Variants in GRAP2 observed in about 807,000 individuals in gnomAD.
GRAP2 encodes GRB2 related adaptor protein 2, also known as GRB2-related adapter protein 2.
In GRAP2, 31 loss-of-function variants were observed where a neutral mutation model predicts 43.5. That is an observed-to-expected ratio of 0.71 (90% CI 0.54 to 0.96). GRAP2 has a LOEUF of 0.96. Among genes scored for constraint, GRAP2 ranks in the 40% least tolerant of loss-of-function variants. The probability of loss-of-function intolerance (pLI) is 0.00; values close to 1 mark genes in which losing one functional copy is unlikely to be tolerated. For synonymous variants in GRAP2, 156 were observed against 164.8 expected (o/e 0.95, Z 0.41); for missense variants, 371 against 424.4 (o/e 0.87, Z 1.11).
chr22:39,968,379 C>A, intron 6 of GRAP2, 107 bp downstream of exon 6: 1 of 1,309,570 alleles, frequency 7.6e-7, no homozygotes, highest in Non-Finnish European at 1.1e-6. Context: ...TGATGAAGAC[C>A]CTGGACCCCC....
Position 39,960,071 on chromosome 22 carries a change from C to A in GRAP2, c.187C>A (p.Leu63Ile). The A allele has an allele frequency of 1.2e-6, 2 of 1,613,490 alleles. No homozygotes were observed. Among genetic ancestry groups the A allele is most frequent in the Non-Finnish European group, 1.7e-6 (2 of 1,179,408 alleles). ...CCCCCACAGATGGTTTCACGAAGGCCTCTCTCGACACCAGGCAGAGAACTT... is the reference window on the plus strand; with the variant it reads ...CCCCCACAGATGGTTTCACGAAGGCATCTCTCGACACCAGGCAGAGAACTT... ...IQFPKWFHEG[L>I]SRHQAENLLM... Residue 63 changes from leucine to isoleucine, a missense_variant, in exon 4 of 8, where the codon CTC becomes ATC. Transcript: ENST00000344138.
intron 1 of GRAP2, among the ~76,000 whole-genome samples, chr22:39,943,599 T>C (rs537189896): frequency 6.6e-6 from 1 of 152,238 alleles, no homozygotes; most frequent in Non-Finnish European, 1.5e-5. Flanking sequence ...CCCTAGAGGC[T>C]GCAGCGTCTC....
intron 1 of GRAP2, among the ~76,000 whole-genome samples, chr22:39,918,525 T>C (rs1259492822): frequency 2.0e-5 from 3 of 152,208 alleles, no homozygotes; most frequent in Non-Finnish European, 4.4e-5. Flanking sequence ...AATAACATTT[T>C]CCCTTAATTG....
chr22:39,897,624 ATTC>A, upstream of GRAP2, among the ~76,000 whole-genome samples: 1 of 149,520 alleles, frequency 6.7e-6, no homozygotes, highest in South Asian at 2.1e-4. Context: ...GGTTCAAGCG[ATTC>A]TTCTGCCTCA....
intron 1 of GRAP2, among the ~76,000 whole-genome samples, chr22:39,912,355 T>A (rs533120262): frequency 7.2e-5 from 11 of 152,138 alleles, no homozygotes; most frequent in Non-Finnish European, 1.5e-4. Flanking sequence ...GAGTTTGAAG[T>A]TGTAATGAGA....
At chr22:39,958,173 G>T (rs1355141762) in intron 3 of GRAP2, among the ~76,000 whole-genome samples, 1 of 152,076 alleles carries the variant, frequency 6.6e-6, no homozygotes, top group African/African-American at 2.4e-5. Context: ...TTTGGCTCCA[G>T]GACGTCCTTC....
intron 1 of GRAP2, among the ~76,000 whole-genome samples, chr22:39,929,166 G>T (rs1053919742): frequency 6.6e-6 from 1 of 152,190 alleles, no homozygotes; most frequent in Admixed American, 6.5e-5. Context: ...TCCTAGCTTT[G>T]ATACTGTACT....
intron 4 of GRAP2, chr22:39,964,516 G>C: frequency 1.1e-6 from 1 of 947,428 alleles, no homozygotes; most frequent in South Asian, 1.3e-5. Context: ...AGCGAAGGTC[G>C]TGGGGAAGGG....
intron 1 of GRAP2, among the ~76,000 whole-genome samples, chr22:39,916,362 G>A (rs1203454032): frequency 2.0e-5 from 3 of 152,184 alleles, no homozygotes; most frequent in East Asian, 1.9e-4. Context: ...TGTCCCCAGA[G>A]GTTGGTCTTC....
chr22:39,894,131 A>T, the GRAP2 span, among the ~76,000 whole-genome samples: 1 of 152,152 alleles, frequency 6.6e-6, no homozygotes, highest in Non-Finnish European at 1.5e-5. Flanking sequence ...TAATGTTTTT[A>T]AAAAGTAGAC....
In GRAP2 at chr22:39,942,908, A is replaced by G. The variant is rs185219876; in HGVS notation, c.-14-4185A>G. ...TTAAAAAATTTCAAGACATTATCTT[A>G]TCTGAATTACAACATAAACTGGGGC... On this transcript the variant is annotated intron_variant, in intron 1 of 7. Transcript: ENST00000344138. 1.8e-3 allele frequency among the ~76,000 whole-genome samples: 271 copies of G among 152,338 alleles called. 2 individuals carry two copies. The highest frequency in any genetic ancestry group is 6.3e-3 in the African/African-American group (261 of 41,584).
At chr22:39,943,720 C>CTT (rs531038576) in intron 1 of GRAP2, among the ~76,000 whole-genome samples, 37 of 134,134 alleles carry the variant, frequency 2.8e-4, no homozygotes, top group Middle Eastern at 3.9e-3. Flanking sequence ...TCTTTTCTTT[C>CTT]TTTTTTTTTT....
chr22:39,926,646 A>G (rs1013028361), intron 1 of GRAP2: 17 of 985,336 alleles, frequency 1.7e-5, no homozygotes, highest in Non-Finnish European at 2.0e-5. Context: ...TGAGTTCCTC[A>G]ATCGCTGGCT....
intron 1 of GRAP2, among the ~76,000 whole-genome samples, chr22:39,934,139 G>T (rs1385344487): frequency 6.6e-6 from 1 of 152,126 alleles, no homozygotes; most frequent in East Asian, 1.9e-4. Context: ...TTTCCTGTGG[G>T]GTTATTAGAG....
intron 1 of GRAP2, among the ~76,000 whole-genome samples, chr22:39,921,228 T>C (rs1306725896): frequency 6.6e-6 from 1 of 152,198 alleles, no homozygotes; most frequent in East Asian, 1.9e-4. Flanking sequence ...GATTTGAATT[T>C]CAGCTCTATG....
chr22:39,903,567 A>G (rs1481845410), intron 1 of GRAP2, among the ~76,000 whole-genome samples: 3 of 144,898 alleles, frequency 2.1e-5, no homozygotes, highest in African/African-American at 5.2e-5. Flanking sequence ...AGCCTCAACT[A>G]CCCTGGGTTT....
chr22:39,964,928 G>T (rs140029666), intron 4 of GRAP2, among the ~76,000 whole-genome samples: 1 of 152,098 alleles, frequency 6.6e-6, no homozygotes, highest in Non-Finnish European at 1.5e-5. Context: ...TTTAGGTGGC[G>T]TGACAGGCCA....
intron 1 of GRAP2, among the ~76,000 whole-genome samples, chr22:39,914,515 TC>T (rs2066589466): frequency 6.6e-6 from 1 of 152,228 alleles, no homozygotes; most frequent in Non-Finnish European, 1.5e-5. Context: ...AAAACAAAGT[TC>T]TTTTCCATGG....
intron 1 of GRAP2, among the ~76,000 whole-genome samples, chr22:39,929,565 T>G (rs557574491): frequency 6.6e-6 from 1 of 152,156 alleles, no homozygotes; most frequent in Non-Finnish European, 1.5e-5. Flanking sequence ...TCCTCCTTCT[T>G]TCCCATTCAA....
Sources: gnomAD v4.1 joint callset for allele counts (sites outside exome capture counted in the v4.1 genomes callset) on GRCh38, gnomAD v4.1.1 for gene constraint, MANE v1.5 for transcripts, NCBI Gene and HGNC (gene_info 2026-07-23, HGNC 2026-07-21) for gene names.